Variants in CAND1 observed in about 807,000 individuals in gnomAD.
CAND1 encodes cullin associated and neddylation dissociated 1.
CAND1 carries 7 observed loss-of-function variants against 108.5 expected under a neutral mutation model. The ratio of observed to expected loss-of-function variants is 0.06; its 90% CI spans 0.04 to 0.12. The LOEUF is 0.12. CAND1 is among the 10% of genes least tolerant of loss of function. The pLI is 1.00. For missense variants in CAND1, 941 were observed against 1,448.7 expected, an observed-to-expected ratio of 0.65 and a Z score of 5.69; for synonymous variants, 534 against 512.0, an observed-to-expected ratio of 1.04 and a Z score of -0.58.
At chr12:67,288,359 C>T (rs1216309300) in intron 2 of CAND1, among the ~76,000 whole-genome samples, 1 of 151,974 alleles carries the variant, frequency 6.6e-6, no homozygotes, top group Non-Finnish European at 1.5e-5. Context: ...AACTCCTGAC[C>T]TCAAGTAATC....
chr12:67,298,977 T>C lies in CAND1; in HGVS notation c.882T>C (p.Val294=). Reference sequence around the variant, plus strand: ...GTCCTAAGGAAGTATATCCTCATGTTTCTACCATTATAAATATTTGTCTTA... The same window carrying C: ...GTCCTAAGGAAGTATATCCTCATGTCTCTACCATTATAAATATTTGTCTTA... ...RRCPKEVYPH[V]STIINICLKY... The change falls in exon 7 of 15, where the codon GTT becomes GTC. Residue 294 remains valine (V), a synonymous_variant. Transcript: ENST00000545606. 1 of 1,537,882 alleles carries C rather than the reference T, an allele frequency of 6.5e-7. No homozygotes were observed. The highest frequency in any genetic ancestry group is 9.0e-7 in the Non-Finnish European group (1 of 1,112,760).
At chr12:67,291,322 T>G (rs1479491048) in intron 2 of CAND1, among the ~76,000 whole-genome samples, 1 of 152,212 alleles carries the variant, frequency 6.6e-6, no homozygotes, top group Non-Finnish European at 1.5e-5. Context: ...CTTTTAACAT[T>G]TAGACAAGTA....
chr12:67,305,252 T>C lies in CAND1; in HGVS notation c.1584T>C (p.Val528=), dbSNP rs1323298327. The C allele has an allele frequency of 6.2e-7, 1 of 1,614,176 alleles. No individual in the cohort carries two copies. The highest frequency in any genetic ancestry group is 8.5e-7 in the Non-Finnish European group (1 of 1,180,022). Residue 528 remains valine (V), a synonymous_variant, in exon 10 of 15, where the codon GTT becomes GTC. Coordinates refer to ENST00000545606, the MANE Select transcript of CAND1 (RefSeq NM_018448.5). The surrounding 1 kb of genome is among the most constrained non-coding windows in gnomAD (Gnocchi z 4.4). ...TGGTTCCTCCAGTGGTGGCTTGTGT[T>C]GGAGACCCATTTTACAAAATTACAT... is the stretch of plus-strand genomic sequence containing the variant. ...QALVPPVVAC[V]GDPFYKITSE...
At chr12:67,306,982 C>T (rs1296770166) in intron 10 of CAND1, among the ~76,000 whole-genome samples, 1 of 152,050 alleles carries the variant, frequency 6.6e-6, no homozygotes, top group African/African-American at 2.4e-5. Flanking sequence ...GAAGAGTTTT[C>T]AGATTTACCA....
chr12:67,286,013 T>C (rs377194954), intron 2 of CAND1, among the ~76,000 whole-genome samples: 106 of 152,252 alleles, frequency 7.0e-4, no homozygotes, highest in African/African-American at 2.5e-3. Flanking sequence ...TTATTTATTA[T>C]TATTGTTTTT....
rs77134129 is a variant in CAND1 at position 67,279,011 on chromosome 12, G to C, written c.69-2899G>C. ...ATCAGCAAAAACTAGTACAGTACCTGATATGTAGTAGGTTCTTATTACACA... is the reference window on the plus strand; with the variant it reads ...ATCAGCAAAAACTAGTACAGTACCTCATATGTAGTAGGTTCTTATTACACA... On this transcript the variant is annotated intron_variant, in intron 1 of 14. Transcript: ENST00000545606. Among the ~76,000 whole-genome samples, 580 of 152,158 alleles carry C rather than the reference G, an allele frequency of 3.8e-3. 1 individual carries two copies. The highest frequency in any genetic ancestry group is 0.014 in the African/African-American group (564 of 41,486).
Position 67,313,136 on chromosome 12 carries a change from A to G in CAND1, c.*306A>G, listed in dbSNP as rs2044970515. The G allele has an allele frequency of 5.1e-6, 1 of 197,934 alleles. No homozygotes were observed. Among genetic ancestry groups the G allele is most frequent in the Non-Finnish European group, 1.0e-5 (1 of 98,290 alleles). 12.3% of individuals were successfully genotyped at this position (197,934 alleles called of 1,614,324 possible). On this transcript the variant is annotated 3_prime_UTR_variant, in exon 15 of 15. Transcript: ENST00000545606. ...TGGAGATAGGGTCCAGTATCTATTTACCCTGTAATGTTTAGGATTAAAATG... is the reference window on the plus strand; with the variant it reads ...TGGAGATAGGGTCCAGTATCTATTTGCCCTGTAATGTTTAGGATTAAAATG...
intron 1 of CAND1, among the ~76,000 whole-genome samples, chr12:67,272,696 G>A (rs981009683): frequency 6.6e-6 from 1 of 151,382 alleles, no homozygotes. Context: ...TGTTGTTTTG[G>A]TTTTTTTTGT....
chr12:67,298,969 C>T lies in CAND1; in HGVS notation c.874C>T (p.Pro292Ser), dbSNP rs758242738. 4 of 1,532,856 alleles carry T rather than the reference C, an allele frequency of 2.6e-6. No homozygotes were observed. The highest frequency in any genetic ancestry group is 2.7e-6 in the Non-Finnish European group (3 of 1,108,740). 95.0% of individuals were successfully genotyped at this position (1,532,856 alleles called of 1,614,324 possible). Reference protein sequence around the residue: ...FVRRCPKEVYPHVSTIINICL... With the variant: ...FVRRCPKEVYSHVSTIINICL... ...CTTTAGATGTCCTAAGGAAGTATAT[C>T]CTCATGTTTCTACCATTATAAATAT... Residue 292 changes from proline to serine, a missense_variant, in exon 7 of 15, where the codon CCT (proline) becomes TCT (serine). By Grantham distance (74) the Pro-to-Ser change is moderately conservative. Around this residue, in one of 9 missense-constraint regions of CAND1, gnomAD observed 697 missense variants for 942.0 expected, o/e 0.74. Transcript: ENST00000545606.
intron 2 of CAND1, among the ~76,000 whole-genome samples, chr12:67,284,782 G>GACAC (rs1232236438): frequency 6.9e-6 from 1 of 145,640 alleles, no homozygotes; most frequent in African/African-American, 2.5e-5. Flanking sequence ...CCCCGCCCCC[G>GACAC]ACACACACAC....
chr12:67,292,789 A>G lies in CAND1; in HGVS notation c.367+13A>G, dbSNP rs1307362652. ...CCAGCTTCCAGTGGTAAGCAAGAGC[A>G]CATTTTTCTTCCTATTTCTTTTTGT... On this transcript the variant is annotated intron_variant, in intron 3 of 14. Transcript: ENST00000545606. 4 of 1,611,822 alleles carry G rather than the reference A, an allele frequency of 2.5e-6. No homozygotes were observed. The highest frequency in any genetic ancestry group is 3.4e-6 in the Non-Finnish European group (4 of 1,179,290).
chr12:67,297,894 C>T lies in CAND1; in HGVS notation c.854+41C>T. 2.4e-6 allele frequency: 3 copies of T among 1,233,416 alleles called. No homozygotes were observed. The East Asian group carries it at 7.0e-5, about 29-fold the overall frequency. 76.4% of individuals were successfully genotyped at this position (1,233,416 alleles called of 1,614,324 possible). A position where few individuals can be genotyped will look rare whatever the true frequency, so the allele number is the denominator to read the frequency against. The stretch of plus-strand genomic sequence containing the variant: ...CTCTATTTTTTACAAAAAGTTTTTC[C>T]TTAAGAGTAGAATCATAAGGTCTAC... On this transcript the variant is annotated intron_variant, in intron 6 of 14. Transcript: ENST00000545606.
chr12:67,306,951 T>C (rs1316162631), intron 10 of CAND1, among the ~76,000 whole-genome samples: 1 of 152,126 alleles, frequency 6.6e-6, no homozygotes, highest in Admixed American at 6.6e-5. Context: ...TGACAGTACT[T>C]TTTTCAAATG....
At chr12:67,275,383 C>T (rs1438251542) in intron 1 of CAND1, among the ~76,000 whole-genome samples, 3 of 151,910 alleles carry the variant, frequency 2.0e-5, no homozygotes, top group East Asian at 3.9e-4. Flanking sequence ...AAAAATTAGC[C>T]GGGCATGGTG....
intron 11 of CAND1, 58 bp downstream of exon 11, chr12:67,307,550 T>G (rs1035967294): frequency 6.8e-5 from 72 of 1,061,494 alleles, no homozygotes; most frequent in Non-Finnish European, 9.8e-5. Flanking sequence ...CTCAAGAAAC[T>G]CTTGAACTTA....
rs116753370 is a variant in CAND1 at position 67,270,059 on chromosome 12, C to T, written c.68+274C>T. 2.7e-3 allele frequency: 1,196 copies of T among 440,904 alleles called. 7 individuals are homozygous for T. The highest frequency in any genetic ancestry group is 0.023 in the African/African-American group (1,098 of 47,762). 27.3% of individuals were successfully genotyped at this position (440,904 alleles called of 1,614,324 possible). ...CTCAGCGCCCCCACATCCTTCCCTG[C>T]CCCACCAGGAGGCGATTCTTGCGTC... On this transcript the variant is annotated intron_variant, in intron 1 of 14. Coordinates refer to ENST00000545606, the MANE Select transcript of CAND1 (RefSeq NM_018448.5).
At chr12:67,309,876 T>C in intron 11 of CAND1, 25 bp from the exon 12 acceptor site, 1 of 1,539,416 alleles carries the variant, frequency 6.5e-7, no homozygotes, top group South Asian at 1.2e-5. Flanking sequence ...CATGTCTGTC[T>C]GTTGCTTTTC....
chr12:67,305,499 A>C lies in CAND1; in HGVS notation c.1831A>C (p.Thr611Pro). Reference sequence around the variant, plus strand: ...CAATTTGGGTTCTGACTTGCCTAATACACTTCAGATTTTCTTGGAGAGACT... The same window carrying C: ...CAATTTGGGTTCTGACTTGCCTAATCCACTTCAGATTTTCTTGGAGAGACT... ...GDNLGSDLPN[T>P]LQIFLERLKN... The change falls in exon 10 of 15, where the codon ACA becomes CCA. Residue 611 changes from threonine to proline, a missense_variant. By Grantham distance (38) the Thr-to-Pro change is conservative. This residue lies in a region of CAND1 where 697 missense variants were observed against 942.0 expected (regional missense o/e 0.74). Coordinates refer to ENST00000545606, the MANE Select transcript of CAND1 (RefSeq NM_018448.5). The surrounding 1 kb of genome is among the most constrained non-coding windows in gnomAD (Gnocchi z 4.4). 6.2e-7 allele frequency: 1 copy of C among 1,613,906 alleles called. No individual in the cohort carries two copies. The highest frequency in any genetic ancestry group is 8.5e-7 in the Non-Finnish European group (1 of 1,179,998).
chr12:67,312,874 C>A lies in CAND1; in HGVS notation c.*44C>A. On this transcript the variant is annotated 3_prime_UTR_variant, in exon 15 of 15. Coordinates refer to ENST00000545606, the MANE Select transcript of CAND1 (RefSeq NM_018448.5). ...GACCATTACATATGACCATACAATG[C>A]ACTGAATTGACAGGTTAATCATAAG... The A allele has an allele frequency of 1.7e-6, 2 of 1,203,030 alleles. No individual in the cohort carries two copies. Among genetic ancestry groups the A allele is most frequent in the Non-Finnish European group, 2.4e-6 (2 of 840,996 alleles). 74.5% of individuals were successfully genotyped at this position (1,203,030 alleles called of 1,614,324 possible). A position where few individuals can be genotyped will look rare whatever the true frequency, so the allele number is the denominator to read the frequency against.
Sources: gnomAD v4.1 joint callset for allele counts (sites outside exome capture counted in the v4.1 genomes callset) on GRCh38, gnomAD v4.1.1 for gene constraint, gnomAD v4.1.1 regional missense constraint, Gnocchi (gnomAD v3.1) non-coding constraint, MANE v1.5 for transcripts, NCBI Gene and HGNC (gene_info 2026-07-23, HGNC 2026-07-21) for gene names.